The following PIP5K1C variants were observed in gnomAD, a reference collection of about 807,000 sequenced individuals.
The protein encoded by PIP5K1C is phosphatidylinositol 4-phosphate 5-kinase type-1 gamma.
PIP5K1C carries 45 observed loss-of-function variants against 80.1 expected under a neutral mutation model. The observed-to-expected ratio is 0.56, with a 90% CI of 0.44 to 0.72. The LOEUF (loss-of-function observed/expected upper bound fraction) is 0.72. PIP5K1C is among the 30% of genes least tolerant of loss of function. PIP5K1C has a pLI of 0.00. For synonymous variants in PIP5K1C, 498 were observed against 420.1 expected, an observed-to-expected ratio of 1.19 and a Z score of -2.27; for missense variants, 753 against 954.6, an observed-to-expected ratio of 0.79 and a Z score of 2.78.
intron 11 of PIP5K1C, 47 bp from the exon 12 acceptor site, chr19:3,644,298 T>G (rs140203895): frequency 1.3e-6 from 2 of 1,587,134 alleles, no homozygotes; most frequent in South Asian, 2.2e-5. Context: ...TGGGGGCTCA[T>G]AGCAAAGCCC....
intron 6 of PIP5K1C, among the ~76,000 whole-genome samples, chr19:3,655,933 G>A (rs2034610834): frequency 6.6e-6 from 1 of 152,244 alleles, no homozygotes; most frequent in African/African-American, 2.4e-5. Flanking sequence ...GATGAGGGGT[G>A]GGCCGGATGG....
intron 1 of PIP5K1C, among the ~76,000 whole-genome samples, chr19:3,671,882 A>AT (rs2035217570): frequency 6.6e-6 from 1 of 152,252 alleles, no homozygotes; most frequent in African/African-American, 2.4e-5. Flanking sequence ...GACGTGACTA[A>AT]TTATCTGCTG....
rs577211124 is a variant in PIP5K1C at position 3,660,361 on chromosome 19, C to A, written c.468+605G>T. ...CACCACTGCACTCCAGCCTGGGCGA[C>A]AGAGCGAGACTCTGTCTCGAAAAAA... On this transcript the variant is annotated intron_variant, in intron 5 of 17. Coordinates refer to ENST00000335312, the MANE Select transcript of PIP5K1C (RefSeq NM_012398.3). Among the ~76,000 whole-genome samples the A allele has an allele frequency of 4.6e-5, 7 of 150,774 alleles. No individual in the cohort carries two copies. The South Asian group carries it at 1.5e-3, about 32-fold the overall frequency.
At chr19:3,670,825 C>A (rs1017846987) in intron 1 of PIP5K1C, among the ~76,000 whole-genome samples, 1 of 151,926 alleles carries the variant, frequency 6.6e-6, no homozygotes, top group Non-Finnish European at 1.5e-5. Context: ...GGGGCGGGGA[C>A]GGGGACGGAG....
intron 1 of PIP5K1C, among the ~76,000 whole-genome samples, chr19:3,698,055 G>T (rs1464642026): frequency 6.6e-6 from 1 of 152,244 alleles, no homozygotes; most frequent in African/African-American, 2.4e-5. Flanking sequence ...CGTGGGAAAC[G>T]GGCAGCCTCC....
chr19:3,689,371 C>T (rs775029386), intron 1 of PIP5K1C, among the ~76,000 whole-genome samples: 1 of 152,162 alleles, frequency 6.6e-6, no homozygotes, highest in African/African-American at 2.4e-5. Flanking sequence ...CACAAACAGG[C>T]CTGGCGCAGT....
rs149139033 is a variant in PIP5K1C at position 3,651,960 on chromosome 19, G to A, written c.993C>T (p.Arg331=). 264 of 1,613,096 alleles carry A rather than the reference G, an allele frequency of 1.6e-4. No homozygotes were observed. The African/African-American group carries it at 2.7e-3, about 17-fold the overall frequency. Residue 331 remains arginine, a synonymous_variant, in exon 8 of 18, where the codon CGC becomes CGT. Transcript: ENST00000335312. The part of the protein sequence containing the change: ...LGVHNIDQHE[R]ERQAQGAQST... ...TCTGGGCGCCCTGCGCCTGCCGCTC[G>A]CGCTCGTGCTGGTCGATGTTGTGCA...
chr19:3,660,046 T>C (rs1246389635), intron 5 of PIP5K1C, among the ~76,000 whole-genome samples: 1 of 152,036 alleles, frequency 6.6e-6, no homozygotes, highest in African/African-American at 2.4e-5. Flanking sequence ...TTAGAAGTGG[T>C]GATGGCGCAG....
chr19:3,632,943 G>T lies in PIP5K1C; in HGVS notation c.*224C>A, dbSNP rs1599907032. On this transcript the variant is annotated 3_prime_UTR_variant, in exon 18 of 18. Transcript: ENST00000335312. Reference sequence around the variant, plus strand: ...CTCAAATGCGATTGGCCGCTCGGGAGGGTGGGTCTCACAGGGGCAGGCTGC... The same window carrying T: ...CTCAAATGCGATTGGCCGCTCGGGATGGTGGGTCTCACAGGGGCAGGCTGC... The T allele has an allele frequency of 3.8e-5, 20 of 532,586 alleles. No homozygotes were observed. The East Asian group carries it at 6.4e-4, about 17-fold the overall frequency. 33.0% of individuals were successfully genotyped at this position (532,586 alleles called of 1,614,324 possible). A position where few individuals can be genotyped will look rare whatever the true frequency, so the allele number is the denominator to read the frequency against.
intron 1 of PIP5K1C, among the ~76,000 whole-genome samples, chr19:3,687,540 T>G (rs2035798549): frequency 6.8e-6 from 1 of 147,402 alleles, no homozygotes; most frequent in Non-Finnish European, 1.5e-5. Context: ...CGCACACACA[T>G]ACATGCACAC....
At chr19:3,669,200 C>T (rs2035119311) in intron 1 of PIP5K1C, among the ~76,000 whole-genome samples, 1 of 152,150 alleles carries the variant, frequency 6.6e-6, no homozygotes, top group Non-Finnish European at 1.5e-5. Flanking sequence ...TTATTATGAG[C>T]CCGTGGAGAC....
intron 1 of PIP5K1C, among the ~76,000 whole-genome samples, chr19:3,670,240 G>A (rs1040270492): frequency 3.3e-5 from 5 of 152,192 alleles, no homozygotes; most frequent in African/African-American, 1.2e-4. Context: ...GTGTCCCTCC[G>A]ACATTCACGT....
At position 3,637,488 on chromosome 19, in the gene PIP5K1C, G is replaced by A. The variant is rs1270016145; in HGVS notation, c.1920+1396C>T. The A allele has an allele frequency of 1.2e-5, 18 of 1,535,540 alleles. No individual in the cohort carries two copies. The highest frequency in any genetic ancestry group is 2.0e-5 in the Admixed American group (1 of 50,970). On this transcript the variant is annotated intron_variant, in intron 16 of 17. Coordinates refer to ENST00000335312, the MANE Select transcript of PIP5K1C (RefSeq NM_012398.3). The surrounding 1 kb of genome is among the most constrained non-coding windows in gnomAD (Gnocchi z 7.0). ...GGGGACCTGCGGCTCCCTGCTGCCCGAGGGGCACTGCCCCTTCTCCCCAGG... is the reference window on the plus strand; with the variant it reads ...GGGGACCTGCGGCTCCCTGCTGCCCAAGGGGCACTGCCCCTTCTCCCCAGG...
intron 1 of PIP5K1C, among the ~76,000 whole-genome samples, chr19:3,682,472 G>A (rs1406315576): frequency 6.6e-6 from 1 of 151,752 alleles, no homozygotes; most frequent in African/African-American, 2.4e-5. Context: ...TTGAGCCCAG[G>A]AATTCCAGAC....
rs1309477910 is a variant in PIP5K1C, at chr19:3,633,162, A to G, written c.*5T>C. On this transcript the variant is annotated 3_prime_UTR_variant, in exon 18 of 18. Transcript: ENST00000335312. ...CTCGGCTCTGGGTCGGGGGCTGCAT[A>G]GAAATTACTGCAAGAGCAAGAGGAC... 1 of 767,506 alleles carries G rather than the reference A, an allele frequency of 1.3e-6. No homozygotes were observed. The highest frequency in any genetic ancestry group is 2.4e-6 in the Non-Finnish European group (1 of 412,434). The allele number at this position is 767,506 out of a possible 1,614,324, so 47.5% of individuals were successfully genotyped here.
intron 7 of PIP5K1C, among the ~76,000 whole-genome samples, chr19:3,652,335 G>A (rs539623678): frequency 3.3e-5 from 5 of 152,362 alleles, no homozygotes; most frequent in South Asian, 4.1e-4. Context: ...ACAGGGAGCC[G>A]GGCCTATGCT....
At chr19:3,672,693 C>T (rs910601224) in intron 1 of PIP5K1C, 2 of 152,502 alleles carry the variant, frequency 1.3e-5, no homozygotes, top group African/African-American at 2.4e-5. Context: ...AGGGCACATT[C>T]TGGGCTCACC....
At chr19:3,636,294 C>T (rs1314401811) in intron 16 of PIP5K1C, 7 of 770,142 alleles carry the variant, frequency 9.1e-6, no homozygotes, top group Non-Finnish European at 7.9e-6. Flanking sequence ...GACCCAGAAC[C>T]GGGTGACCCC....
At chr19:3,693,050 T>C (rs1336873538) in intron 1 of PIP5K1C, among the ~76,000 whole-genome samples, 3 of 149,276 alleles carry the variant, frequency 2.0e-5, no homozygotes, top group Admixed American at 1.3e-4. Context: ...ACTTGTCCAC[T>C]GCGTTGCGTG....
Sources: gnomAD v4.1 joint callset for allele counts (sites outside exome capture counted in the v4.1 genomes callset) on GRCh38, gnomAD v4.1.1 for gene constraint, Gnocchi (gnomAD v3.1) non-coding constraint, MANE v1.5 for transcripts, NCBI Gene and HGNC (gene_info 2026-07-23, HGNC 2026-07-21) for gene names.